The following RAC1 variants were observed in gnomAD, a reference collection of about 807,000 sequenced individuals.
RAC1 encodes the protein Rac family small GTPase 1, also known as ras-related C3 botulinum toxin substrate 1.
RAC1 carries 2 observed loss-of-function variants against 25.2 expected under a neutral mutation model. That is an observed-to-expected ratio of 0.08 (90% CI 0.03 to 0.25). RAC1 has a LOEUF of 0.25. RAC1 is among the 10% of genes least tolerant of loss of function. The pLI is 1.00. For missense variants in RAC1, 50 were observed against 235.7 expected (o/e 0.21, Z 5.16); for synonymous variants, 88 against 94.0 (o/e 0.94, Z 0.37).
rs988749025 is a variant in RAC1, at chr7:6,403,894, T to G, written c.*1448T>G. 5 of 224,070 alleles carry G rather than the reference T, an allele frequency of 2.2e-5. No homozygotes were observed. The highest frequency in any genetic ancestry group is 1.1e-4 in the African/African-American group (5 of 44,808). The allele number at this position is 224,070 out of a possible 1,614,324, so 13.9% of individuals were successfully genotyped here. A position where few individuals can be genotyped will look rare whatever the true frequency, so the allele number is the denominator to read the frequency against. ...TGACAGTTGCAGAATTGTGGAGTGT[T>G]TTTACATTGATCTTTTGCTAATGCA... On this transcript the variant is annotated 3_prime_UTR_variant, in exon 6 of 6. Coordinates refer to ENST00000348035, the MANE Select transcript of RAC1 (RefSeq NM_006908.5).
At chr7:6,391,892 C>G (rs1358382209) in intron 2 of RAC1, 32 bp from the exon 3 acceptor site, 1 of 1,613,912 alleles carries the variant, frequency 6.2e-7, no homozygotes, top group East Asian at 2.2e-5. Flanking sequence ...GCTTCTACAC[C>G]TGTGACTAAC....
chr7:6,380,632 G>A (rs1782737409), intron 1 of RAC1, among the ~76,000 whole-genome samples: 1 of 152,138 alleles, frequency 6.6e-6, no homozygotes. Context: ...TGCCACCAAG[G>A]CAGGATTGCA....
chr7:6,378,891 C>G (rs1052049168), intron 1 of RAC1, among the ~76,000 whole-genome samples: 1 of 152,112 alleles, frequency 6.6e-6, no homozygotes, highest in African/African-American at 2.4e-5. Flanking sequence ...AGTTCGAGAC[C>G]AGTCTGGCCA....
intron 3 of RAC1, chr7:6,399,831 G>C: frequency 5.1e-6 from 2 of 391,894 alleles, no homozygotes; most frequent in Non-Finnish European, 9.2e-6. Flanking sequence ...TAGATAGTTA[G>C]GCGTAAAGGA....
chr7:6,378,217 G>A (rs1339720830), intron 1 of RAC1, among the ~76,000 whole-genome samples: 4 of 152,016 alleles, frequency 2.6e-5, no homozygotes, highest in African/African-American at 9.7e-5. Context: ...TTCCTTCTGG[G>A]ACCCTGACTG....
rs190913482 is a variant in RAC1 at position 6,382,996 on chromosome 7, A to C, written c.36-4216A>C. Among the ~76,000 whole-genome samples, 532 of 152,376 alleles carry C rather than the reference A, an allele frequency of 3.5e-3. 2 individuals are homozygous for C. The highest frequency in any genetic ancestry group is 5.5e-3 in the Non-Finnish European group (374 of 68,034). On this transcript the variant is annotated intron_variant, in intron 1 of 5. Transcript: ENST00000348035. ...ATAGGTTAAAAAAAATTGTAGCATC[A>C]TGAGCTAGGGGGAAATCCAATGTAG...
chr7:6,383,754 C>G (rs967132462), intron 1 of RAC1, among the ~76,000 whole-genome samples: 74 of 125,334 alleles, frequency 5.9e-4, no homozygotes, highest in African/African-American at 1.8e-3. Context: ...TGAGTGGCAA[C>G]TATTGTTAAG....
At position 6,402,536 on chromosome 7, in the gene RAC1, A is replaced by AC; in HGVS notation, c.*90_*91insC. 2.8e-5 allele frequency: 27 copies of AC among 947,874 alleles called. No individual in the cohort carries two copies. The highest frequency in any genetic ancestry group is 2.5e-4 in the East Asian group (5 of 19,620). 58.7% of individuals were successfully genotyped at this position (947,874 alleles called of 1,614,324 possible). A position where few individuals can be genotyped will look rare whatever the true frequency, so the allele number is the denominator to read the frequency against. ...ACAAAAAAAAAAAACAAAAAAAAAA[A>AC]ACAACGGTGGAGCCTTCGCACTCAA... On this transcript the variant is annotated 3_prime_UTR_variant, in exon 6 of 6. Transcript: ENST00000348035.
chr7:6,390,096 C>CTGTTTTTTTT (rs1783049092), intron 2 of RAC1, among the ~76,000 whole-genome samples: 2 of 74,924 alleles, frequency 2.7e-5, no homozygotes, highest in African/African-American at 1.3e-4. Flanking sequence ...CCCTCCCTCC[C>CTGTTTTTTTT]TTTTTTTTTT....
chr7:6,382,635 G>A (rs35235058), intron 1 of RAC1, among the ~76,000 whole-genome samples: 9,276 of 152,250 alleles, frequency 0.061, 962 homozygotes, highest in East Asian at 0.5. Flanking sequence ...AGGCCGATGG[G>A]GTGGATCTCC....
intron 2 of RAC1, among the ~76,000 whole-genome samples, chr7:6,390,901 TC>T (rs1783074525): frequency 6.6e-6 from 1 of 152,114 alleles, no homozygotes; most frequent in African/African-American, 2.4e-5. Context: ...TCTTTCTTCT[TC>T]TTCTTTTTTC....
intron 1 of RAC1, among the ~76,000 whole-genome samples, chr7:6,378,128 G>C (rs1472462139): frequency 6.6e-6 from 1 of 152,084 alleles, no homozygotes; most frequent in African/African-American, 2.4e-5. Context: ...CATCTTGTTT[G>C]CTCCTTAACT....
At chr7:6,383,909 T>A (rs1220350939) in intron 1 of RAC1, among the ~76,000 whole-genome samples, 1 of 142,984 alleles carries the variant, frequency 7.0e-6, no homozygotes, top group African/African-American at 2.6e-5. Context: ...TTCAAGCGAC[T>A]CTCCTGCTTC....
rs569685951 is a variant in RAC1 at position 6,403,280 on chromosome 7, G to A, written c.*834G>A. ...CAAATGCAGTAGATGATGAAAGAAA[G>A]GTTGGTATTATCAGGAAATGTTTTC... On this transcript the variant is annotated 3_prime_UTR_variant, in exon 6 of 6. Transcript: ENST00000348035. 34 of 213,622 alleles carry A rather than the reference G, an allele frequency of 1.6e-4. No homozygotes were observed. Among genetic ancestry groups the A allele is most frequent in the Non-Finnish European group, 2.7e-4 (29 of 105,462 alleles). 13.2% of individuals were successfully genotyped at this position (213,622 alleles called of 1,614,324 possible). A position where few individuals can be genotyped will look rare whatever the true frequency, so the allele number is the denominator to read the frequency against.
chr7:6,374,781 G>C lies in RAC1; in HGVS notation c.35+11G>C. The C allele has an allele frequency of 8.8e-7, 1 of 1,131,554 alleles. No individual in the cohort carries two copies. The highest frequency in any genetic ancestry group is 1.1e-6 in the Non-Finnish European group (1 of 919,056). 70.1% of individuals were successfully genotyped at this position (1,131,554 alleles called of 1,614,324 possible). A position where few individuals can be genotyped will look rare whatever the true frequency, so the allele number is the denominator to read the frequency against. ...GGTGGTGGGAGACGGGTGAGTGCGC[G>C]GCCGGGGCCGGGCTGGAGGCCGCGG... On this transcript the variant is annotated intron_variant, in intron 1 of 5. Transcript: ENST00000348035.
chr7:6,396,545 C>T (rs1485381574), intron 3 of RAC1, among the ~76,000 whole-genome samples: 2 of 152,096 alleles, frequency 1.3e-5, no homozygotes, highest in African/African-American at 2.4e-5. Flanking sequence ...TCTTAAAAAT[C>T]GAAAGCATGC....
At chr7:6,401,543 A>C (rs143791774) in intron 4 of RAC1, 6 of 180,328 alleles carry the variant, frequency 3.3e-5, no homozygotes, top group African/African-American at 1.2e-4. Context: ...TTTACCAAAA[A>C]CAAAGTGATC....
rs974383090 is a variant in RAC1 at position 6,397,234 on chromosome 7, C to G, written c.226-2892C>G. ...CCAGCCTGGGCGACAGAGCGAGACT[C>G]TGTCTCAAAAAAAAAAAAGAAAAAA... On this transcript the variant is annotated intron_variant, in intron 3 of 5. Transcript: ENST00000348035. Among the ~76,000 whole-genome samples the G allele has an allele frequency of 5.5e-5, 7 of 126,862 alleles. No individual in the cohort carries two copies. The South Asian group carries it at 1.3e-3, about 23-fold the overall frequency. The allele number at this position is 126,862 out of a possible 152,430, so 83.2% of individuals were successfully genotyped here.
At position 6,402,457 on chromosome 7, in the gene RAC1, C is replaced by T. The variant is rs34140491; in HGVS notation, c.*11C>T. The T allele has an allele frequency of 2.1e-5, 31 of 1,511,706 alleles. No homozygotes were observed. In the African/African-American group the frequency reaches 3.6e-4, roughly 18 times the overall value. 93.6% of individuals were successfully genotyped at this position (1,511,706 alleles called of 1,614,324 possible). A position where few individuals can be genotyped will look rare whatever the true frequency, so the allele number is the denominator to read the frequency against. On this transcript the variant is annotated 3_prime_UTR_variant, in exon 6 of 6. Transcript: ENST00000348035. ...TGCCTGCTGTTGTAAATGTCTCAGC[C>T]CCTCGTTCTTGGTCCTGTCCCTTGG... is the stretch of plus-strand genomic sequence containing the variant.
Sources: allele counts gnomAD v4.1 joint callset (sites outside exome capture counted in the v4.1 genomes callset), GRCh38; gene constraint gnomAD v4.1.1; transcripts MANE v1.5; gene names NCBI Gene and HGNC (gene_info 2026-07-23, HGNC 2026-07-21).